The following SEPTIN1 variants were observed in gnomAD, a reference collection of about 807,000 sequenced individuals.
SEPTIN1 encodes the protein septin-1.
A neutral mutation model predicts 50.7 loss-of-function variants in SEPTIN1; 52 were observed. That is an observed-to-expected ratio of 1.03 (90% CI 0.82 to 1.29). The LOEUF (loss-of-function observed/expected upper bound fraction) is 1.29. SEPTIN1 is among the 50% of genes most tolerant of loss of function. The pLI, the probability that SEPTIN1 is intolerant of heterozygous loss-of-function variation, is 0.00. For missense variants in SEPTIN1, 455 were observed against 490.7 expected, an observed-to-expected ratio of 0.93 and a Z score of 0.69; for synonymous variants, 204 against 189.1, an observed-to-expected ratio of 1.08 and a Z score of -0.65.
At position 30,382,441 on chromosome 16, in the gene SEPTIN1, C is replaced by A; in HGVS notation, c.19-76G>T. On this transcript the variant is annotated intron_variant, in intron 1 of 10. Transcript: ENST00000321367. The surrounding 1 kb of genome is among the most constrained non-coding windows in gnomAD (Gnocchi z 4.8). The stretch of plus-strand genomic sequence containing the variant: ...CCCCAGGATCACTTGAGTTCCTGGG[C>A]TAGGAAGAGTCAGTGGGGTCTGGGG... 1.3e-6 allele frequency: 2 copies of A among 1,568,940 alleles called. No homozygotes were observed. The highest frequency in any genetic ancestry group is 1.7e-5 in the Admixed American group (1 of 57,158).
In SEPTIN1 at chr16:30,378,191, T is replaced by C. The variant is rs1282514859; in HGVS notation, c.*243A>G. On this transcript the variant is annotated 3_prime_UTR_variant, in exon 11 of 11. Transcript: ENST00000321367. Reference sequence around the variant, plus strand: ...CAGAGTCTGGGAGAAGAAGGGGGACTCCGGAAGACAGTGATGCGGTCGGAG... The same window carrying C: ...CAGAGTCTGGGAGAAGAAGGGGGACCCCGGAAGACAGTGATGCGGTCGGAG... 1.4e-6 allele frequency: 1 copy of C among 698,516 alleles called. No homozygotes were observed. Among genetic ancestry groups the C allele is most frequent in the South Asian group, 1.5e-5 (1 of 65,596 alleles). 43.3% of individuals were successfully genotyped at this position (698,516 alleles called of 1,614,324 possible).
chr16:30,379,916 T>C lies in SEPTIN1; in HGVS notation c.675+16A>G, dbSNP rs1399923393. 7.0e-7 allele frequency: 1 copy of C among 1,421,916 alleles called. No individual in the cohort carries two copies. The highest frequency in any genetic ancestry group is 1.2e-5 in the South Asian group (1 of 86,194). The allele number at this position is 1,421,916 out of a possible 1,614,324, so 88.1% of individuals were successfully genotyped here. On this transcript the variant is annotated intron_variant, in intron 7 of 10. Coordinates refer to ENST00000321367, the MANE Select transcript of SEPTIN1 (RefSeq NM_001365977.2). ...GCCACCGTGCCCGGCCTGCCTTCCTTCTTTGTTTCCCACACCTTCATCTCT... is the reference window on the plus strand; with the variant it reads ...GCCACCGTGCCCGGCCTGCCTTCCTCCTTTGTTTCCCACACCTTCATCTCT...
At position 30,382,254 on chromosome 16, in the gene SEPTIN1, C is replaced by G. The variant is rs201174994; in HGVS notation, c.109+21G>C. 3 of 1,613,108 alleles carry G rather than the reference C, an allele frequency of 1.9e-6. No individual in the cohort carries two copies. Among genetic ancestry groups the G allele is most frequent in the African/African-American group, 1.3e-5 (1 of 75,016 alleles). On this transcript the variant is annotated intron_variant, in intron 2 of 10. Coordinates refer to ENST00000321367, the MANE Select transcript of SEPTIN1 (RefSeq NM_001365977.2). The surrounding 1 kb of genome is among the most constrained non-coding windows in gnomAD (Gnocchi z 4.8). ...TCCTAAGGACATCCCCTCCGCAGTT[C>G]CCTCTCCAAAACCCCCAGACCTGCC...
upstream of SEPTIN1, chr16:30,382,803 A>G (rs1377989778): frequency 6.5e-7 from 1 of 1,534,978 alleles, no homozygotes; most frequent in Non-Finnish European, 8.7e-7. This position sits in a 1 kb window ranked among gnomAD's most constrained non-coding sequence, Gnocchi z 4.8. Context: ...GTGGTGAGAC[A>G]TGGGGTATGT....
chr16:30,378,554 C>G (rs751012090), intron 10 of SEPTIN1, 34 bp from the exon 11 acceptor site: 20 of 1,602,906 alleles, frequency 1.2e-5, no homozygotes, highest in Non-Finnish European at 1.6e-5. Flanking sequence ...GGTGACCTGG[C>G]GAAGCCAGAG....
Position 30,381,131 on chromosome 16 carries a change from T to C in SEPTIN1, c.569A>G (p.Gln190Arg), listed in dbSNP as rs764854188. 6.2e-7 allele frequency: 1 copy of C among 1,612,852 alleles called. No homozygotes were observed. The highest frequency in any genetic ancestry group is 8.5e-7 in the Non-Finnish European group (1 of 1,178,836). The change falls in exon 6 of 11, where the codon CAG becomes CGG. Residue 190 changes from glutamine to arginine, a missense_variant. Gln to Arg is a conservative substitution (Grantham distance 43). Transcript: ENST00000321367. The surrounding 1 kb of genome is among the most constrained non-coding windows in gnomAD (Gnocchi z 4.3). Reference sequence around the variant, plus strand: ...GTCAGAGGTCATCACTCACACCTTCTGCTTGAGGGCCTGGGTTTCCTGGGG... The same window carrying C: ...GTCAGAGGTCATCACTCACACCTTCCGCTTGAGGGCCTGGGTTTCCTGGGG... ...LMPQETQALK[Q>R]KIRDQLKEEE...
At position 30,382,079 on chromosome 16, in the gene SEPTIN1, G is replaced by A; in HGVS notation, c.196+14C>T. The A allele has an allele frequency of 1.9e-6, 3 of 1,577,794 alleles. No homozygotes were observed. The highest frequency in any genetic ancestry group is 2.6e-6 in the Non-Finnish European group (3 of 1,161,098). On this transcript the variant is annotated intron_variant, in intron 3 of 10. Transcript: ENST00000321367. The surrounding 1 kb of genome is among the most constrained non-coding windows in gnomAD (Gnocchi z 4.8). ...ACAGGGGCTACTGCCTCAAGAGGGT[G>A]GGGAGGGTCTTACCACTGGCCTCTG...
chr16:30,380,953 C>T, intron 6 of SEPTIN1, 174 bp downstream of exon 6: 1 of 676,760 alleles, frequency 1.5e-6, no homozygotes, highest in Admixed American at 2.4e-5. Context: ...CTATTTTGAG[C>T]CTTCAGAGAC....
Position 30,382,056 on chromosome 16 carries a change from A to C in SEPTIN1, c.196+37T>G. On this transcript the variant is annotated intron_variant, in intron 3 of 10. Coordinates refer to ENST00000321367, the MANE Select transcript of SEPTIN1 (RefSeq NM_001365977.2). The surrounding 1 kb of genome is among the most constrained non-coding windows in gnomAD (Gnocchi z 4.8). ...AAAGACTAGGGTGTAACCTGGGGAC[A>C]GGGGCTACTGCCTCAAGAGGGTGGG... 1 of 1,582,278 alleles carries C rather than the reference A, an allele frequency of 6.3e-7. No homozygotes were observed. The highest frequency in any genetic ancestry group is 8.6e-7 in the Non-Finnish European group (1 of 1,162,278).
At position 30,381,299 on chromosome 16, in the gene SEPTIN1, C is replaced by T; in HGVS notation, c.455+40G>A. 2 of 1,611,424 alleles carry T rather than the reference C, an allele frequency of 1.2e-6. No homozygotes were observed. The highest frequency in any genetic ancestry group is 2.2e-5 in the South Asian group (2 of 91,002). On this transcript the variant is annotated intron_variant, in intron 5 of 10. Coordinates refer to ENST00000321367, the MANE Select transcript of SEPTIN1 (RefSeq NM_001365977.2). This position sits in a 1 kb window ranked among gnomAD's most constrained non-coding sequence, Gnocchi z 4.3. Reference sequence around the variant, plus strand: ...CTCAGGGGGCAGAGACCCCCCAGCCCTCCCTAAATGCGCCAGCCCCCAGGA... The same window carrying T: ...CTCAGGGGGCAGAGACCCCCCAGCCTTCCCTAAATGCGCCAGCCCCCAGGA...
In SEPTIN1 at chr16:30,378,308, C is replaced by A. The variant is rs987305879; in HGVS notation, c.*126G>T. ...CTACGGACTCAGGCTGGGAGAACCT[C>A]CCCCTAGCCCGCGCGAGGGCGGCAC... On this transcript the variant is annotated 3_prime_UTR_variant, in exon 11 of 11. Transcript: ENST00000321367. 1.6e-5 allele frequency: 15 copies of A among 932,088 alleles called. No homozygotes were observed. The highest frequency in any genetic ancestry group is 8.4e-5 in the African/African-American group (5 of 59,606). 57.7% of individuals were successfully genotyped at this position (932,088 alleles called of 1,614,324 possible).
chr16:30,379,411 G>A, intron 8 of SEPTIN1, 24 bp downstream of exon 8: 5 of 1,602,110 alleles, frequency 3.1e-6, no homozygotes, highest in Non-Finnish European at 4.3e-6. Flanking sequence ...GCTGGCCTTA[G>A]GACCCCTGCC....
At position 30,381,953 on chromosome 16, in the gene SEPTIN1, C is replaced by T; in HGVS notation, c.197-70G>A. ...CAGAATTAATTTCCTTTGTCAATAT[C>T]ACAGTTGCCTGCACCCATTTCCCAG... is the stretch of plus-strand genomic sequence containing the variant. On this transcript the variant is annotated intron_variant, in intron 3 of 10. Transcript: ENST00000321367. This position sits in a 1 kb window ranked among gnomAD's most constrained non-coding sequence, Gnocchi z 4.3. 1 of 1,607,858 alleles carries T rather than the reference C, an allele frequency of 6.2e-7. No homozygotes were observed. Among genetic ancestry groups the T allele is most frequent in the African/African-American group, 1.3e-5 (1 of 74,848 alleles).
intron 8 of SEPTIN1, 112 bp downstream of exon 8, chr16:30,379,322 CT>C: frequency 7.0e-7 from 1 of 1,429,006 alleles, no homozygotes. Context: ...CCCCCCTTTC[CT>C]CCTAGGATCC....
In SEPTIN1 at chr16:30,379,048, C is replaced by G. The variant is rs199791904; in HGVS notation, c.911G>C (p.Arg304Pro). 1 of 1,613,606 alleles carries G rather than the reference C, an allele frequency of 6.2e-7. No individual in the cohort carries two copies. Among genetic ancestry groups the G allele is most frequent in the Non-Finnish European group, 8.5e-7 (1 of 1,179,924 alleles). Reference protein sequence around the residue: ...YRARCLQSLARPGARDRASRS... With the variant: ...YRARCLQSLAPPGARDRASRS... ...GCTGGCTCGATCGCGAGCCCCAGGC[C>G]GGGCCAGGCTCTGTAGGCAGCGGGC... Residue 304 changes from arginine (R) to proline (P), a missense_variant, in exon 9 of 11, where the codon CGG (arginine) becomes CCG (proline). By Grantham distance (103) the Arg-to-Pro change is moderately radical (BLOSUM62 -2). Coordinates refer to ENST00000321367, the MANE Select transcript of SEPTIN1 (RefSeq NM_001365977.2).
At position 30,381,165 on chromosome 16, in the gene SEPTIN1, C is replaced by T. The variant is rs2049841818; in HGVS notation, c.535G>A (p.Ala179Thr). The change falls in exon 6 of 11, where the codon GCT becomes ACT. Residue 179 changes from alanine to threonine, a missense_variant. By Grantham distance (58) the Ala-to-Thr change is moderately conservative. Coordinates refer to ENST00000321367, the MANE Select transcript of SEPTIN1 (RefSeq NM_001365977.2). This position sits in a 1 kb window ranked among gnomAD's most constrained non-coding sequence, Gnocchi z 4.3. ...GCCTGGGTTTCCTGGGGCATCAGAG[C>T]ATCCGCTTTGCCAATGACTGGGATG... ...NIIPVIGKADALMPQETQALK... is the reference protein window; with the variant it reads ...NIIPVIGKADTLMPQETQALK... The T allele has an allele frequency of 1.2e-6, 2 of 1,614,096 alleles. No individual in the cohort carries two copies. Among genetic ancestry groups the T allele is most frequent in the East Asian group, 2.2e-5 (1 of 44,892 alleles).
chr16:30,379,896 C>A, intron 7 of SEPTIN1, 36 bp downstream of exon 7: 2 of 1,181,682 alleles, frequency 1.7e-6, no homozygotes, highest in South Asian at 1.3e-5. Context: ...CGTGAGCCAC[C>A]GTGCCCGGCC....
chr16:30,379,563 T>C lies in SEPTIN1; in HGVS notation c.676-29A>G, dbSNP rs368140022. The C allele has an allele frequency of 1.2e-5, 18 of 1,557,528 alleles. No homozygotes were observed. The African/African-American group carries it at 1.2e-4, about 11-fold the overall frequency. Reference sequence around the variant, plus strand: ...GAGGGCAGGGGGCAGGGGTTCACCATTGGCTCACACGGCAGAAACTTTCTC... The same window carrying C: ...GAGGGCAGGGGGCAGGGGTTCACCACTGGCTCACACGGCAGAAACTTTCTC... On this transcript the variant is annotated intron_variant, in intron 7 of 10. Coordinates refer to ENST00000321367, the MANE Select transcript of SEPTIN1 (RefSeq NM_001365977.2).
Position 30,379,106 on chromosome 16 carries a change from C to A in SEPTIN1, c.853G>T (p.Val285Leu), listed in dbSNP as rs751951608. The A allele has an allele frequency of 5.6e-5, 90 of 1,614,006 alleles. No individual in the cohort carries two copies. The highest frequency in any genetic ancestry group is 7.0e-5 in the Non-Finnish European group (83 of 1,180,016). ...VQTHLQDLKEVTHDLLYEGYR... is the reference protein window; with the variant it reads ...VQTHLQDLKELTHDLLYEGYR... ...CCCTCGTAGAGCAGATCGTGCGTCA[C>A]CTCTTTCAGGTCCTGCAGGTGTGTC... The change falls in exon 9 of 11, where the codon GTG becomes TTG. Residue 285 changes from valine (V) to leucine (L), a missense_variant. Val to Leu is a conservative substitution (Grantham distance 32). Coordinates refer to ENST00000321367, the MANE Select transcript of SEPTIN1 (RefSeq NM_001365977.2).
Sources: allele counts gnomAD v4.1 joint callset, GRCh38; gene constraint gnomAD v4.1.1; non-coding constraint Gnocchi (gnomAD v3.1); transcripts MANE v1.5; gene names NCBI Gene and HGNC (gene_info 2026-07-23, HGNC 2026-07-21).